APBB2: variants seen among roughly 807,000 people sequenced by gnomAD.
APBB2 encodes the protein amyloid beta precursor protein binding family B member 2, also known as Fe65-like 1.
In APBB2, 38 loss-of-function variants were observed where a neutral mutation model predicts 82.5. The ratio of observed to expected loss-of-function variants is 0.46; its 90% confidence interval spans 0.36 to 0.60. The LOEUF (loss-of-function observed/expected upper bound fraction) is 0.60, where lower values mean the gene tolerates loss of function less well. Among genes scored for constraint, APBB2 ranks in the 20% least tolerant of loss-of-function variants. The pLI is 0.00. For missense variants in APBB2, 772 were observed against 972.3 expected (o/e 0.79, Z 2.74); for synonymous variants, 341 against 368.2 (o/e 0.93, Z 0.85).
chr4:40,862,429 C>T (rs1762971383), intron 12 of APBB2, among the ~76,000 whole-genome samples: 1 of 152,226 alleles, frequency 6.6e-6, no homozygotes, highest in Non-Finnish European at 1.5e-5. Flanking sequence ...AAGGGAATCC[C>T]TGAAGGATTC....
chr4:41,194,367 T>A, intron 1 of APBB2, among the ~76,000 whole-genome samples: 1 of 152,152 alleles, frequency 6.6e-6, no homozygotes, highest in South Asian at 2.1e-4. Flanking sequence ...GATATACAGA[T>A]ATCAGTATAG....
At chr4:41,118,861 C>T (rs61040824) in intron 2 of APBB2, among the ~76,000 whole-genome samples, 20,084 of 152,094 alleles carry the variant, frequency 0.13, 1,437 homozygotes, top group Non-Finnish European at 0.16. Context: ...TAAGACTGGC[C>T]GGGCGCGGTG....
rs538640340 is a variant in APBB2 at position 40,872,401 on chromosome 4, G to C, written c.1529+17963C>G. On this transcript the variant is annotated intron_variant, in intron 12 of 17. Transcript: ENST00000508593. The stretch of plus-strand genomic sequence containing the variant: ...GGACCTGCACTAAGTCCTAAGGATA[G>C]GGATGTCACATAACACTGGCATAGG... Among the ~76,000 whole-genome samples the C allele has an allele frequency of 2.0e-5, 3 of 152,338 alleles. No individual in the cohort carries two copies. The East Asian group carries it at 5.8e-4, about 29-fold the overall frequency.
intron 1 of APBB2, among the ~76,000 whole-genome samples, chr4:41,184,868 G>A (rs760762547): frequency 6.6e-5 from 10 of 152,166 alleles, no homozygotes; most frequent in East Asian, 1.9e-4. Flanking sequence ...CAGAGACTCC[G>A]CCAAACCTGC....
intron 10 of APBB2, among the ~76,000 whole-genome samples, chr4:40,915,952 T>G (rs550893534): frequency 1.3e-5 from 2 of 152,296 alleles, no homozygotes; most frequent in African/African-American, 4.8e-5. Flanking sequence ...TGCAGGGTCC[T>G]GGGCCCTGTG....
chr4:41,128,612 A>G (rs922185010), intron 2 of APBB2, among the ~76,000 whole-genome samples: 4 of 152,232 alleles, frequency 2.6e-5, no homozygotes, highest in African/African-American at 4.8e-5. Flanking sequence ...TACGTTATTC[A>G]TTAATTCCAC....
intron 10 of APBB2, among the ~76,000 whole-genome samples, chr4:40,902,376 A>G (rs555755601): frequency 1.5e-3 from 224 of 152,316 alleles, no homozygotes; most frequent in Non-Finnish European, 2.4e-3. Context: ...ATGGCTCTAC[A>G]TAGGAAATGA....
chr4:41,143,766 G>T (rs1007383687), intron 1 of APBB2, among the ~76,000 whole-genome samples: 1 of 152,198 alleles, frequency 6.6e-6, no homozygotes, highest in African/African-American at 2.4e-5. Flanking sequence ...ATCCAAAGGG[G>T]AAACGAATAA....
intron 3 of APBB2, among the ~76,000 whole-genome samples, chr4:41,074,244 T>TC (rs767163078): frequency 7.2e-5 from 11 of 152,092 alleles, no homozygotes; most frequent in Non-Finnish European, 1.6e-4. Flanking sequence ...GAGCTGTTCT[T>TC]CCCCAAGCTC....
At position 40,934,888 on chromosome 4, in the gene APBB2, A is replaced by C. The variant is rs974389109; in HGVS notation, c.1107+189T>G. On this transcript the variant is annotated intron_variant, in intron 8 of 17. Coordinates refer to ENST00000508593, the MANE Select transcript of APBB2 (RefSeq NM_004307.2). The stretch of plus-strand genomic sequence containing the variant: ...TCCTGTTCTTACAAAACAACGGGGA[A>C]CCTAGGGCATTCACAATGGGAGACA... The C allele has an allele frequency of 1.0e-5, 7 of 676,078 alleles. No individual in the cohort carries two copies. In the South Asian group the frequency reaches 1.2e-4, roughly 11 times the overall value. The allele number at this position is 676,078 out of a possible 1,614,324, so 41.9% of individuals were successfully genotyped here.
At position 40,878,204 on chromosome 4, in the gene APBB2, G is replaced by A. The variant is rs563026281; in HGVS notation, c.1529+12160C>T. On this transcript the variant is annotated intron_variant, in intron 12 of 17. Coordinates refer to ENST00000508593, the MANE Select transcript of APBB2 (RefSeq NM_004307.2). ...TCTACTAAAAATACAAAAATTAGAC[G>A]GGTGTGGTGGCACATGTCTGTAATT... is the stretch of plus-strand genomic sequence containing the variant. Among the ~76,000 whole-genome samples, 14 of 152,098 alleles carry A rather than the reference G, an allele frequency of 9.2e-5. 1 individual carries two copies. In the South Asian group the frequency reaches 2.3e-3, roughly 25 times the overall value.
chr4:40,862,669 G>C (rs1763035303), intron 12 of APBB2, among the ~76,000 whole-genome samples: 1 of 152,148 alleles, frequency 6.6e-6, no homozygotes, highest in South Asian at 2.1e-4. Flanking sequence ...GACCAGCCTG[G>C]TCAAGATGGT....
intron 3 of APBB2, among the ~76,000 whole-genome samples, chr4:41,081,523 A>C (rs1187338672): frequency 1.3e-5 from 2 of 152,206 alleles, no homozygotes; most frequent in Non-Finnish European, 2.9e-5. Context: ...ATCACCTTTA[A>C]TGCTAGAACC....
intron 10 of APBB2, among the ~76,000 whole-genome samples, chr4:40,910,901 C>T (rs888227265): frequency 2.0e-4 from 30 of 152,258 alleles, no homozygotes; most frequent in African/African-American, 7.0e-4. Flanking sequence ...GGCTGTGAAC[C>T]CTGGCAACCA....
In APBB2 at chr4:40,993,532, G is replaced by A. The variant is rs796432648; in HGVS notation, c.835+20051C>T. The stretch of plus-strand genomic sequence containing the variant: ...CCTGAGTAGCTGGGACTACAGGCAC[G>A]TGCCATCATACCCAGCTAATTTTTT... On this transcript the variant is annotated intron_variant, in intron 6 of 17. Coordinates refer to ENST00000508593, the MANE Select transcript of APBB2 (RefSeq NM_004307.2). Among the ~76,000 whole-genome samples, 11 of 151,738 alleles carry A rather than the reference G, an allele frequency of 7.2e-5. 1 individual carries two copies. In the East Asian group the frequency reaches 1.6e-3, roughly 21 times the overall value.
intron 3 of APBB2, among the ~76,000 whole-genome samples, chr4:41,095,726 T>C (rs759894475): frequency 1.1e-4 from 17 of 151,892 alleles, no homozygotes; most frequent in Admixed American, 2.0e-4. Flanking sequence ...ACTTCTGCAG[T>C]GAACAATCTA....
intron 6 of APBB2, among the ~76,000 whole-genome samples, chr4:40,966,773 G>A (rs558981826): frequency 5.4e-4 from 82 of 152,286 alleles, no homozygotes; most frequent in African/African-American, 1.8e-3. Flanking sequence ...AGGGTGGCTC[G>A]GCACAGGTCT....
rs1744507427 is a variant in APBB2, at chr4:40,811,975, T to TA, written c.*4116dup. On this transcript the variant is annotated 3_prime_UTR_variant, in exon 18 of 18. Transcript: ENST00000508593. ...GATGTCAGGTTCTTAAAGGAAGTGA[T>TA]AAACTTCTTCGTGCTAAAATATCAC... 1 of 152,224 alleles carries TA rather than the reference T, an allele frequency of 6.6e-6. No individual in the cohort carries two copies. The highest frequency in any genetic ancestry group is 6.5e-5 in the Admixed American group (1 of 15,286). The allele number at this position is 152,224 out of a possible 1,614,324, so 9.4% of individuals were successfully genotyped here. A position where few individuals can be genotyped will look rare whatever the true frequency, so the allele number is the denominator to read the frequency against.
At chr4:40,902,575 C>T (rs1273461907) in intron 10 of APBB2, among the ~76,000 whole-genome samples, 1 of 152,066 alleles carries the variant, frequency 6.6e-6, no homozygotes, top group Non-Finnish European at 1.5e-5. Flanking sequence ...ACTCTGTCAC[C>T]CAGGTTGGAG....
Sources: gnomAD v4.1 joint callset for allele counts (sites outside exome capture counted in the v4.1 genomes callset) on GRCh38, gnomAD v4.1.1 for gene constraint, MANE v1.5 for transcripts, NCBI Gene and HGNC (gene_info 2026-07-23, HGNC 2026-07-21) for gene names.